Variants in HIGD1C observed in about 807,000 individuals in gnomAD.
HIGD1C encodes the protein HIG1 domain family member 1C.
A neutral mutation model predicts 13.1 loss-of-function variants in HIGD1C; 11 were observed. The ratio of observed to expected loss-of-function variants is 0.84; its 90% CI spans 0.53 to 1.39. The LOEUF (loss-of-function observed/expected upper bound fraction) is 1.39, where lower values mean the gene tolerates loss of function less well. HIGD1C is among the 40% of genes most tolerant of loss of function. The pLI is 0.00. For synonymous variants in HIGD1C, 36 were observed against 37.7 expected, an observed-to-expected ratio of 0.95 and a Z score of 0.17; for missense variants, 110 against 112.0, an observed-to-expected ratio of 0.98 and a Z score of 0.08.
chr12:50,972,379 A>C (rs1346653949), downstream of HIGD1C, among the ~76,000 whole-genome samples: 1 of 152,242 alleles, frequency 6.6e-6, no homozygotes, highest in African/African-American at 2.4e-5. Flanking sequence ...GTATCTATGC[A>C]TGAGAACCTA....
In HIGD1C at chr12:50,959,598, T is replaced by A. The variant is rs557458709; in HGVS notation, c.95-1370T>A. 2.6e-4 allele frequency among the ~76,000 whole-genome samples: 40 copies of A among 152,300 alleles called. 1 individual carries two copies. The highest frequency in any genetic ancestry group is 2.4e-3 in the Admixed American group (36 of 15,278). On this transcript the variant is annotated intron_variant, in intron 1 of 2. Coordinates refer to ENST00000398455, the Ensembl canonical transcript of HIGD1C. ...ATACCAATAAGTTATACTTATGGCA[T>A]TTATTAAATTATTCCAGTATCTGGG... is the stretch of plus-strand genomic sequence containing the variant.
chr12:50,943,611 G>A, the HIGD1C span, among the ~76,000 whole-genome samples: 1 of 151,880 alleles, frequency 6.6e-6, no homozygotes, highest in Non-Finnish European at 1.5e-5. Context: ...TCAGGAGGCT[G>A]AGGCAGGAGA....
chr12:50,968,976 A>G (rs1045977148), intron 2 of HIGD1C, among the ~76,000 whole-genome samples: 19 of 151,996 alleles, frequency 1.3e-4, no homozygotes, highest in Non-Finnish European at 2.4e-4. Flanking sequence ...CCCACCACGC[A>G]CCGCATTTAT....
chr12:50,946,178 T>G, the HIGD1C span, among the ~76,000 whole-genome samples: 1 of 152,134 alleles, frequency 6.6e-6, no homozygotes, highest in Non-Finnish European at 1.5e-5. Context: ...GGGCAAGGAC[T>G]TCATGTCTAA....
At chr12:50,948,477 T>C in the HIGD1C span, among the ~76,000 whole-genome samples, 20 of 152,260 alleles carry the variant, frequency 1.3e-4, no homozygotes, top group Middle Eastern at 3.4e-3. Context: ...ATTAAAACCT[T>C]GTAGGGAAAT....
At chr12:50,963,301 C>T (rs1242864361) in intron 2 of HIGD1C, among the ~76,000 whole-genome samples, 4 of 134,916 alleles carry the variant, frequency 3.0e-5, no homozygotes, top group East Asian at 4.8e-4. Flanking sequence ...ACCTGGGAAG[C>T]GGAGGCTGCA....
chr12:50,956,475 A>G (rs576833606), intron 1 of HIGD1C, among the ~76,000 whole-genome samples: 4 of 152,222 alleles, frequency 2.6e-5, no homozygotes, highest in Non-Finnish European at 5.9e-5. Context: ...TTTTCCTGCT[A>G]CAGGATGGAG....
At chr12:50,949,273 C>T (rs1390910698), upstream of HIGD1C, 1 of 154,100 alleles carries the variant, frequency 6.5e-6, no homozygotes, top group South Asian at 2.0e-4. Flanking sequence ...ATTGCCATGG[C>T]TTTCAGGAAA....
chr12:50,941,235 G>A, the HIGD1C span, among the ~76,000 whole-genome samples: 2 of 151,846 alleles, frequency 1.3e-5, no homozygotes, highest in East Asian at 1.9e-4. Flanking sequence ...TGATTCCTCC[G>A]CCTCGATCTC....
upstream of HIGD1C, chr12:50,949,331 G>A (rs1408230057): frequency 6.6e-6 from 1 of 152,632 alleles, no homozygotes; most frequent in African/African-American, 2.4e-5. Context: ...TGATCACACT[G>A]AGCTCTGCAA....
chr12:50,951,163 A>AG (rs559264383), upstream of HIGD1C, among the ~76,000 whole-genome samples: 297 of 152,260 alleles, frequency 2.0e-3, 1 homozygote, highest in African/African-American at 6.0e-3. Flanking sequence ...ATTAAAAGGG[A>AG]GAAAAAAAAG....
chr12:50,941,013 T>G, the HIGD1C span, among the ~76,000 whole-genome samples: 1 of 151,710 alleles, frequency 6.6e-6, no homozygotes. Context: ...CCCGGCTAAT[T>G]TATTTATTTT....
chr12:50,941,442 T>C, the HIGD1C span, among the ~76,000 whole-genome samples: 1 of 152,176 alleles, frequency 6.6e-6, no homozygotes, highest in African/African-American at 2.4e-5. Flanking sequence ...GGCCTTACGT[T>C]TGCACAACAT....
the HIGD1C span, among the ~76,000 whole-genome samples, chr12:50,946,887 A>G: frequency 6.6e-6 from 1 of 152,208 alleles, no homozygotes; most frequent in Non-Finnish European, 1.5e-5. Context: ...GTGCACATGT[A>G]CCATAGAACT....
intron 1 of HIGD1C, 106 bp from the exon 4 acceptor site, chr12:50,960,862 T>TA (rs1433796886): frequency 6.3e-6 from 6 of 954,596 alleles, no homozygotes; most frequent in Non-Finnish European, 9.0e-6. Flanking sequence ...TTTTTTTTTT[T>TA]AGAGATGGGG....
chr12:50,939,328 A>G, the HIGD1C span, among the ~76,000 whole-genome samples: 25 of 152,204 alleles, frequency 1.6e-4, no homozygotes, highest in South Asian at 5.0e-3. Context: ...TTGTATTTTT[A>G]GTAAAGACGG....
upstream of HIGD1C, among the ~76,000 whole-genome samples, chr12:50,952,058 AAT>A (rs1938916718): frequency 8.6e-6 from 1 of 116,476 alleles, no homozygotes; most frequent in African/African-American, 3.6e-5. Flanking sequence ...CTAGACCAGA[AAT>A]TTTTTTTTTT....
upstream of HIGD1C, among the ~76,000 whole-genome samples, chr12:50,952,758 C>T (rs1938942667): frequency 6.6e-6 from 1 of 152,232 alleles, no homozygotes; most frequent in South Asian, 2.1e-4. Flanking sequence ...GAGATTCCAA[C>T]TGCAGGGAGC....
At chr12:50,941,652 A>G in the HIGD1C span, among the ~76,000 whole-genome samples, 1 of 152,178 alleles carries the variant, frequency 6.6e-6, no homozygotes, top group South Asian at 2.1e-4. Flanking sequence ...TAAAACAAAC[A>G]CTTCCAAAGC....
Sources: allele counts gnomAD v4.1 joint callset (sites outside exome capture counted in the v4.1 genomes callset), GRCh38; gene constraint gnomAD v4.1.1; transcripts MANE v1.5; gene names NCBI Gene and HGNC (gene_info 2026-07-23, HGNC 2026-07-21).